The following KIF26B variants were observed in gnomAD, a reference collection of about 807,000 sequenced individuals.
KIF26B encodes kinesin-like protein KIF26B.
Under a neutral mutation model 151.2 loss-of-function variants are expected in KIF26B, and 63 were observed. The observed-to-expected ratio is 0.42, with a 90% confidence interval of 0.34 to 0.51. The LOEUF (loss-of-function observed/expected upper bound fraction) is 0.51, where lower values mean the gene tolerates loss of function less well. Among genes scored for constraint, KIF26B ranks in the 20% least tolerant of loss-of-function variants. The pLI, the probability that KIF26B is intolerant of heterozygous loss-of-function variation, is 0.07. For missense variants in KIF26B, 2,813 were observed against 2,913.6 expected, an observed-to-expected ratio of 0.97 and a Z score of 0.79; for synonymous variants, 1,357 against 1,262.1, an observed-to-expected ratio of 1.08 and a Z score of -1.59.
chr1:245,601,020 A>T lies in KIF26B; in HGVS notation c.1351-1557A>T, dbSNP rs7546506. 4.6e-5 allele frequency among the ~76,000 whole-genome samples: 7 copies of T among 152,158 alleles called. No homozygotes were observed. On this transcript the variant is annotated intron_variant, in intron 5 of 14. Coordinates refer to ENST00000407071, the MANE Select transcript of KIF26B (RefSeq NM_018012.4). This position sits in a 1 kb window ranked among gnomAD's most constrained non-coding sequence, Gnocchi z 4.4. Reference sequence around the variant, plus strand: ...TCTCATCTGTAAAATCTGGACAGGCATACCTACACCCTGGAGCATTGGGAG... The same window carrying T: ...TCTCATCTGTAAAATCTGGACAGGCTTACCTACACCCTGGAGCATTGGGAG...
rs10924168 is a variant in KIF26B at position 245,315,165 on chromosome 1, A to C, written c.466-51669A>C. 2.7e-3 allele frequency among the ~76,000 whole-genome samples: 403 copies of C among 151,978 alleles called. 9 individuals are homozygous for C. In the East Asian group the frequency reaches 0.051, roughly 19 times the overall value. ...ACTGCACTCCAGCCTGGGCAACGAG[A>C]GCAAAACTCCATCTCAAAAAAATAA... On this transcript the variant is annotated intron_variant, in intron 2 of 14. Transcript: ENST00000407071.
At chr1:245,511,961 G>T (rs1463293105) in intron 4 of KIF26B, among the ~76,000 whole-genome samples, 3 of 152,056 alleles carry the variant, frequency 2.0e-5, no homozygotes. Flanking sequence ...CTGAAGTGAG[G>T]TTAATTTTGT....
chr1:245,694,245 C>T (rs1449700129), intron 12 of KIF26B, among the ~76,000 whole-genome samples: 8 of 152,242 alleles, frequency 5.3e-5, no homozygotes, highest in Non-Finnish European at 1.5e-5. Flanking sequence ...ATGGAGCTGG[C>T]CCCTTCCTGG....
chr1:245,353,073 G>A (rs1480438382), intron 2 of KIF26B, among the ~76,000 whole-genome samples: 1 of 152,194 alleles, frequency 6.6e-6, no homozygotes, highest in South Asian at 2.1e-4. Context: ...ATTCAAATCT[G>A]TATCTTACAG....
At chr1:245,403,283 T>C (rs527240264) in intron 3 of KIF26B, among the ~76,000 whole-genome samples, 1 of 152,322 alleles carries the variant, frequency 6.6e-6, no homozygotes, top group South Asian at 2.1e-4. Flanking sequence ...TGACTAGTTA[T>C]ATTGTTCTTA....
At chr1:245,256,598 A>G (rs1670540751) in intron 2 of KIF26B, among the ~76,000 whole-genome samples, 2 of 152,124 alleles carry the variant, frequency 1.3e-5, no homozygotes, top group African/African-American at 2.4e-5. Context: ...GAGCTCCCCA[A>G]CCAACTGAAT....
chr1:245,358,091 A>G lies in KIF26B; in HGVS notation c.466-8743A>G, dbSNP rs139228727. Among the ~76,000 whole-genome samples the G allele has an allele frequency of 5.1e-4, 77 of 151,922 alleles. No individual in the cohort carries two copies. Among genetic ancestry groups the G allele is most frequent in the African/African-American group, 1.8e-3 (75 of 41,432 alleles). ...ACCACCGCACCTGGCTAATTTTTGTATTTTTTGTAGTTGGGATTTCACCAT... is the reference window on the plus strand; with the variant it reads ...ACCACCGCACCTGGCTAATTTTTGTGTTTTTTGTAGTTGGGATTTCACCAT... On this transcript the variant is annotated intron_variant, in intron 2 of 14. Transcript: ENST00000407071. This position sits in a 1 kb window ranked among gnomAD's most constrained non-coding sequence, Gnocchi z 4.1.
At chr1:245,462,846 GTGAATGAA>G (rs57966712) in intron 4 of KIF26B, among the ~76,000 whole-genome samples, 83,691 of 150,618 alleles carry the variant, frequency 0.56, 24,184 homozygotes, top group African/African-American at 0.7. Context: ...AGAAATCAGT[GTGAATGAA>G]TGAATGAATG....
intron 2 of KIF26B, among the ~76,000 whole-genome samples, chr1:245,287,491 TC>T (rs1359655923): frequency 2.8e-5 from 4 of 142,170 alleles, no homozygotes; most frequent in African/African-American, 5.3e-5. Flanking sequence ...GTCTCATCTC[TC>T]TCTCTCTTTT....
At position 245,170,302 on chromosome 1, in the gene KIF26B, G is replaced by GT. The variant is rs138037031; in HGVS notation, c.465+13622dup. ...AGTCTAGGCATTTATGGGTCGGCTG[G>GT]TTTGAGGGTCCTTGCATTTCTTGTC... On this transcript the variant is annotated intron_variant, in intron 2 of 14. Coordinates refer to ENST00000407071, the MANE Select transcript of KIF26B (RefSeq NM_018012.4). The surrounding 1 kb of genome is among the most constrained non-coding windows in gnomAD (Gnocchi z 4.4). Among the ~76,000 whole-genome samples, 822 of 152,292 alleles carry GT rather than the reference G, an allele frequency of 5.4e-3. 10 individuals are homozygous for GT. The highest frequency in any genetic ancestry group is 0.019 in the African/African-American group (785 of 41,546).
At chr1:245,680,702 C>A (rs2044423157) in intron 10 of KIF26B, among the ~76,000 whole-genome samples, 1 of 152,188 alleles carries the variant, frequency 6.6e-6, no homozygotes, top group South Asian at 2.1e-4. Flanking sequence ...TTTGCAGATT[C>A]TGTATTTGCA....
intron 4 of KIF26B, among the ~76,000 whole-genome samples, chr1:245,420,609 C>T (rs1056036592): frequency 9.2e-5 from 14 of 152,176 alleles, no homozygotes; most frequent in African/African-American, 3.1e-4. Flanking sequence ...AGAATAAATG[C>T]GATAGCATCA....
chr1:245,486,313 AG>A (rs1179768603), intron 4 of KIF26B, among the ~76,000 whole-genome samples: 7 of 152,236 alleles, frequency 4.6e-5, no homozygotes, highest in Non-Finnish European at 1.5e-5. Context: ...AGGGAAGAAA[AG>A]CATCTGTCAA....
intron 10 of KIF26B, among the ~76,000 whole-genome samples, chr1:245,655,350 A>G (rs1229841803): frequency 6.6e-6 from 1 of 152,250 alleles, no homozygotes; most frequent in African/African-American, 2.4e-5. Context: ...AGAATCGTGT[A>G]ACCCACGTGG....
intron 2 of KIF26B, among the ~76,000 whole-genome samples, chr1:245,309,933 T>C (rs1294468783): frequency 6.8e-6 from 1 of 146,776 alleles, no homozygotes; most frequent in Non-Finnish European, 1.5e-5. Flanking sequence ...TCAATAAATA[T>C]CTCTCTCTCA....
intron 4 of KIF26B, among the ~76,000 whole-genome samples, chr1:245,508,824 T>G (rs922729609): frequency 9.9e-5 from 15 of 152,260 alleles, no homozygotes; most frequent in Non-Finnish European, 8.8e-5. Context: ...CACCTTGTAC[T>G]GAGTTCACCT....
chr1:245,503,155 G>A (rs909855348), intron 4 of KIF26B, among the ~76,000 whole-genome samples: 2 of 151,966 alleles, frequency 1.3e-5, no homozygotes, highest in Non-Finnish European at 2.9e-5. Flanking sequence ...CACCGCACCC[G>A]GCCATGGTGA....
At chr1:245,381,373 G>A (rs1558144253) in intron 3 of KIF26B, among the ~76,000 whole-genome samples, 1 of 152,188 alleles carries the variant, frequency 6.6e-6, no homozygotes, top group South Asian at 2.1e-4. Flanking sequence ...TAAGTGTACA[G>A]TTCATCAAGC....
chr1:245,509,288 T>A (rs1443193746), intron 4 of KIF26B, among the ~76,000 whole-genome samples: 1 of 152,224 alleles, frequency 6.6e-6, no homozygotes, highest in African/African-American at 2.4e-5. Context: ...GGAGCCGTTC[T>A]CTATGTCTGG....
Sources: gnomAD v4.1 joint callset for allele counts (sites outside exome capture counted in the v4.1 genomes callset) on GRCh38, gnomAD v4.1.1 for gene constraint, Gnocchi (gnomAD v3.1) non-coding constraint, MANE v1.5 for transcripts, NCBI Gene and HGNC (gene_info 2026-07-23, HGNC 2026-07-21) for gene names.